ABCC4: variants seen among roughly 807,000 people sequenced by gnomAD.
The protein encoded by ABCC4 is ATP binding cassette subfamily C member 4 (PEL blood group).
In ABCC4, 102 loss-of-function variants were observed where a neutral mutation model predicts 168.5. That is an observed-to-expected ratio of 0.61 (90% CI 0.52 to 0.71). ABCC4 has a LOEUF of 0.71. Ranked by LOEUF, ABCC4 falls within the 30% of genes least tolerant of loss-of-function variation. The pLI is 0.00. For missense variants in ABCC4, 1,402 were observed against 1,605.8 expected (o/e 0.87, Z 2.17); for synonymous variants, 617 against 590.7 (o/e 1.04, Z -0.65).
chr13:95,126,628 C>T (rs559254417), intron 19 of ABCC4, among the ~76,000 whole-genome samples: 32 of 149,562 alleles, frequency 2.1e-4, no homozygotes, highest in African/African-American at 6.7e-4. Context: ...CCATCCCCGG[C>T]GCATCATTTT....
intron 4 of ABCC4, among the ~76,000 whole-genome samples, chr13:95,231,888 C>T (rs1566551080): frequency 6.6e-6 from 1 of 152,142 alleles, no homozygotes; most frequent in Non-Finnish European, 1.5e-5. Flanking sequence ...CAGTATCTCA[C>T]TTGTACAAAG....
chr13:95,259,628 C>T (rs1035911214), intron 1 of ABCC4, among the ~76,000 whole-genome samples: 3 of 152,286 alleles, frequency 2.0e-5, no homozygotes, highest in South Asian at 2.1e-4. Flanking sequence ...TCAGAACCAC[C>T]GCACTAAAGT....
At chr13:95,155,051 A>G (rs116587474) in intron 19 of ABCC4, among the ~76,000 whole-genome samples, 4,239 of 152,244 alleles carry the variant, frequency 0.028, 172 homozygotes, top group African/African-American at 0.092. Flanking sequence ...GGTTGCTTTC[A>G]GTTCTCCACA....
chr13:95,247,816 A>G, intron 1 of ABCC4, 63 bp from the exon 2 acceptor site: 4 of 1,360,944 alleles, frequency 2.9e-6, no homozygotes, highest in Non-Finnish European at 4.2e-6. Flanking sequence ...GTAGACTCCT[A>G]CCTCCATGGG....
intron 19 of ABCC4, among the ~76,000 whole-genome samples, chr13:95,131,920 AC>A (rs1261937121): frequency 1.3e-5 from 2 of 152,176 alleles, no homozygotes; most frequent in African/African-American, 4.8e-5. Context: ...ACACACAATT[AC>A]CGCATGATCC....
intron 19 of ABCC4, among the ~76,000 whole-genome samples, chr13:95,130,164 T>A (rs1023635681): frequency 6.6e-6 from 1 of 151,862 alleles, no homozygotes; most frequent in African/African-American, 2.4e-5. Flanking sequence ...CCTTGAACAA[T>A]AGGAAATAAA....
intron 1 of ABCC4, among the ~76,000 whole-genome samples, chr13:95,298,944 A>C (rs180944339): frequency 1.3e-5 from 2 of 152,124 alleles, no homozygotes; most frequent in Admixed American, 6.6e-5. Context: ...CCTGCCACCT[A>C]CATTTTGAAA....
At chr13:95,301,158 G>A in intron 1 of ABCC4, 83 bp downstream of exon 1, 2 of 1,339,100 alleles carry the variant, frequency 1.5e-6, no homozygotes, top group Admixed American at 2.2e-5. Flanking sequence ...AGAGGGCTTG[G>A]GCAGCATCGG....
intron 8 of ABCC4, among the ~76,000 whole-genome samples, chr13:95,196,022 A>G (rs972086645): frequency 1.3e-5 from 2 of 152,228 alleles, no homozygotes; most frequent in African/African-American, 4.8e-5. Flanking sequence ...CACACTAGTT[A>G]GCAACTACAC....
intron 20 of ABCC4, among the ~76,000 whole-genome samples, chr13:95,109,069 A>G (rs1266141667): frequency 2.6e-5 from 4 of 152,114 alleles, no homozygotes; most frequent in South Asian, 2.1e-4. Flanking sequence ...TAGAATGCCA[A>G]TTCCTAGAAG....
intron 29 of ABCC4, among the ~76,000 whole-genome samples, chr13:95,043,021 C>T (rs1262146752): frequency 6.6e-5 from 10 of 152,154 alleles, no homozygotes; most frequent in African/African-American, 1.4e-4. Flanking sequence ...CTGCCTGCCT[C>T]GGCCTCCTAA....
rs371886848 is a variant in ABCC4, at chr13:95,265,927, A to G, written c.75-18174T>C. 2.5e-3 allele frequency among the ~76,000 whole-genome samples: 384 copies of G among 152,300 alleles called. 3 individuals carry two copies. Among genetic ancestry groups the G allele is most frequent in the African/African-American group, 7.9e-3 (328 of 41,554 alleles). ...GGAAATAAGGGGCCAAGATTACACA[A>G]AAGGTCGGGCTGTATCTGTCCCCCC... On this transcript the variant is annotated intron_variant, in intron 1 of 30. Transcript: ENST00000645237.
At position 95,285,749 on chromosome 13, in the gene ABCC4, G is replaced by C. The variant is rs535170575; in HGVS notation, c.74+15492C>G. On this transcript the variant is annotated intron_variant, in intron 1 of 30. Coordinates refer to ENST00000645237, the MANE Select transcript of ABCC4 (RefSeq NM_005845.5). The stretch of plus-strand genomic sequence containing the variant: ...AAGGCATCATATATTGACTGTCCAG[G>C]AACAATGGATATCTGAGAATGTAGG... Among the ~76,000 whole-genome samples, 9 of 152,196 alleles carry C rather than the reference G, an allele frequency of 5.9e-5. No homozygotes were observed. In the East Asian group the frequency reaches 1.7e-3, roughly 29 times the overall value.
At chr13:95,203,865 C>G (rs1199167211) in intron 8 of ABCC4, among the ~76,000 whole-genome samples, 1 of 152,150 alleles carries the variant, frequency 6.6e-6, no homozygotes, top group Non-Finnish European at 1.5e-5. Context: ...ATATTCAACT[C>G]GAGTCTGCTT....
At chr13:95,202,221 C>A (rs1245907634) in intron 8 of ABCC4, among the ~76,000 whole-genome samples, 1 of 152,224 alleles carries the variant, frequency 6.6e-6, no homozygotes, top group Non-Finnish European at 1.5e-5. Context: ...CCTCCTCAGA[C>A]TCAAGCTGCA....
chr13:95,275,002 G>A (rs1176959504), intron 1 of ABCC4, among the ~76,000 whole-genome samples: 5 of 152,138 alleles, frequency 3.3e-5, no homozygotes, highest in African/African-American at 7.2e-5. Context: ...ACTTGAACCC[G>A]GGAGGCAGAG....
chr13:95,033,342 C>A (rs1390462813), intron 30 of ABCC4, among the ~76,000 whole-genome samples: 1 of 152,064 alleles, frequency 6.6e-6, no homozygotes, highest in African/African-American at 2.4e-5. Context: ...TTGATGGGAG[C>A]CTCACCATGT....
intron 20 of ABCC4, among the ~76,000 whole-genome samples, chr13:95,105,900 C>T (rs73559616): frequency 0.047 from 7,115 of 152,196 alleles, 271 homozygotes; most frequent in African/African-American, 0.1. Context: ...ACTCTGAAAA[C>T]GACCCTTTTC....
At chr13:95,231,237 T>A (rs1447512362) in intron 4 of ABCC4, among the ~76,000 whole-genome samples, 2 of 152,228 alleles carry the variant, frequency 1.3e-5, no homozygotes, top group Non-Finnish European at 2.9e-5. Context: ...ATGTACTTAA[T>A]GCAAACGAAC....
Sources: allele counts gnomAD v4.1 joint callset (sites outside exome capture counted in the v4.1 genomes callset), GRCh38; gene constraint gnomAD v4.1.1; transcripts MANE v1.5; gene names NCBI Gene and HGNC (gene_info 2026-07-23, HGNC 2026-07-21).